REEP1: variants seen among roughly 807,000 people sequenced by gnomAD.
The protein encoded by REEP1 is receptor expression-enhancing protein 1.
A neutral mutation model predicts 40.3 loss-of-function variants in REEP1; 22 were observed. The ratio of observed to expected loss-of-function variants is 0.55; its 90% CI spans 0.39 to 0.78. REEP1 has a LOEUF of 0.78. Ranked by LOEUF, REEP1 falls within the 30% of genes least tolerant of loss-of-function variation. REEP1 has a pLI of 0.00. For missense variants in REEP1, 280 were observed against 361.1 expected, an observed-to-expected ratio of 0.78 and a Z score of 1.82; for synonymous variants, 116 against 139.2, an observed-to-expected ratio of 0.83 and a Z score of 1.17.
chr2:86,300,205 A>T (rs1217044328), intron 1 of REEP1, among the ~76,000 whole-genome samples: 4 of 152,078 alleles, frequency 2.6e-5, no homozygotes, highest in African/African-American at 9.7e-5. Context: ...GTTACCTGGG[A>T]TTTCACTCCT....
intron 2 of REEP1, among the ~76,000 whole-genome samples, chr2:86,280,834 G>A (rs1055907072): frequency 2.0e-5 from 3 of 151,982 alleles, no homozygotes; most frequent in African/African-American, 4.8e-5. Context: ...GAGATGGTTG[G>A]TTTCATCATA....
intron 5 of REEP1, among the ~76,000 whole-genome samples, chr2:86,237,187 T>C (rs1675407288): frequency 6.7e-6 from 1 of 149,838 alleles, no homozygotes; most frequent in African/African-American, 2.4e-5. Flanking sequence ...CCCCTGAGTG[T>C]TTAATTAACA....
chr2:86,294,719 T>C (rs779292361), intron 1 of REEP1, among the ~76,000 whole-genome samples: 40 of 128,346 alleles, frequency 3.1e-4, no homozygotes, highest in Middle Eastern at 4.5e-3. Context: ...CTGAGATTTA[T>C]ATTTTAGATA....
chr2:86,321,548 A>G (rs967623129), intron 1 of REEP1, among the ~76,000 whole-genome samples: 6 of 152,208 alleles, frequency 3.9e-5, no homozygotes, highest in South Asian at 4.1e-4. Flanking sequence ...CTTAAAAAAA[A>G]TCCTAAATAT....
chr2:86,251,746 A>C lies in REEP1; in HGVS notation c.417+211T>G, dbSNP rs4832030. 0.47 allele frequency: 284,783 copies of C among 600,874 alleles called. 71,744 individuals are homozygous for C. The highest frequency in any genetic ancestry group is 0.69 in the East Asian group (23,901 of 34,636). 37.2% of individuals were successfully genotyped at this position (600,874 alleles called of 1,614,324 possible). Reference sequence around the variant, plus strand: ...CTTCAGGGGCTCTGGGAACCTCTTGATATTGCAAGTATGTGGGCATGTGTG... The same window carrying C: ...CTTCAGGGGCTCTGGGAACCTCTTGCTATTGCAAGTATGTGGGCATGTGTG... On this transcript the variant is annotated intron_variant, in intron 5 of 8. Transcript: ENST00000538924.
At chr2:86,286,692 C>T (rs1371813355) in intron 1 of REEP1, among the ~76,000 whole-genome samples, 1 of 152,186 alleles carries the variant, frequency 6.6e-6, no homozygotes, top group Non-Finnish European at 1.5e-5. Flanking sequence ...TGCTTATCAA[C>T]TTCCTGGAGC....
At chr2:86,332,771 G>A (rs891653106) in intron 1 of REEP1, among the ~76,000 whole-genome samples, 13 of 152,144 alleles carry the variant, frequency 8.5e-5, no homozygotes, top group Admixed American at 4.6e-4. Context: ...GCTCAACAGC[G>A]GAGAAATCTA....
At chr2:86,274,527 T>C (rs1426175195) in intron 2 of REEP1, among the ~76,000 whole-genome samples, 1 of 152,220 alleles carries the variant, frequency 6.6e-6, no homozygotes, top group African/African-American at 2.4e-5. Context: ...ATGGAAACCA[T>C]AGCCATCTAA....
Position 86,215,988 on chromosome 2 carries a change from CTG to C in REEP1, c.*1049_*1050del, listed in dbSNP as rs1365983740. The stretch of plus-strand genomic sequence containing the variant: ...GTTTCAGATGTATGTTATGGCATAT[CTG>C]AAACAGCAGAGTTCTCAGTTTTTTG... On this transcript the variant is annotated 3_prime_UTR_variant, in exon 9 of 9. Transcript: ENST00000538924. The C allele has an allele frequency of 6.6e-6, 1 of 152,174 alleles. No individual in the cohort carries two copies. The highest frequency in any genetic ancestry group is 1.5e-5 in the Non-Finnish European group (1 of 68,044). 9.4% of individuals were successfully genotyped at this position (152,174 alleles called of 1,614,324 possible).
At chr2:86,281,931 C>A (rs1230475130) in intron 2 of REEP1, among the ~76,000 whole-genome samples, 1 of 152,184 alleles carries the variant, frequency 6.6e-6, no homozygotes, top group Non-Finnish European at 1.5e-5. Context: ...ACCTCCAATT[C>A]CAGATGCCAC....
At chr2:86,254,885 CG>C (rs1676471322) in intron 3 of REEP1, 71 bp from the exon 4 acceptor site, 1 of 1,567,260 alleles carries the variant, frequency 6.4e-7, no homozygotes, top group Admixed American at 1.7e-5. Context: ...GGATGAGACC[CG>C]GTGGGTGGCA....
intron 2 of REEP1, among the ~76,000 whole-genome samples, chr2:86,277,178 G>A (rs1262970480): frequency 6.6e-6 from 1 of 152,196 alleles, no homozygotes; most frequent in Non-Finnish European, 1.5e-5. Flanking sequence ...CAGGACTGCT[G>A]CTACACAATG....
rs1288739900 is a variant in REEP1, at chr2:86,323,659, T to C, written c.32+13820A>G. On this transcript the variant is annotated intron_variant, in intron 1 of 8. Transcript: ENST00000538924. ...ACCCCCATCCATGGAAAAACTGTCT[T>C]CTATGAAACTAGTCCTTGGTGCCAA... Among the ~76,000 whole-genome samples the C allele has an allele frequency of 1.3e-5, 2 of 152,178 alleles. 1 individual carries two copies. The highest frequency in any genetic ancestry group is 2.9e-5 in the Non-Finnish European group (2 of 68,032).
At chr2:86,327,043 C>T (rs1021518566) in intron 1 of REEP1, among the ~76,000 whole-genome samples, 2 of 152,204 alleles carry the variant, frequency 1.3e-5, no homozygotes, top group African/African-American at 4.8e-5. Flanking sequence ...CCTTGTCTGT[C>T]GAACAAGGGC....
chr2:86,300,598 A>C (rs1352770971), intron 1 of REEP1, among the ~76,000 whole-genome samples: 1 of 152,158 alleles, frequency 6.6e-6, no homozygotes, highest in Non-Finnish European at 1.5e-5. Context: ...GTGGCCAAAG[A>C]AACAGATAAG....
At position 86,333,988 on chromosome 2, in the gene REEP1, C is replaced by T. The variant is rs114364546; in HGVS notation, c.32+3491G>A. On this transcript the variant is annotated intron_variant, in intron 1 of 8. Coordinates refer to ENST00000538924, the MANE Select transcript of REEP1 (RefSeq NM_001371279.1). Reference sequence around the variant, plus strand: ...CCGTGGGCACAAGCCTGTCTTGATGCCTGCTGACCTCCGTCCCCAGGGGAC... The same window carrying T: ...CCGTGGGCACAAGCCTGTCTTGATGTCTGCTGACCTCCGTCCCCAGGGGAC... Among the ~76,000 whole-genome samples, 956 of 152,336 alleles carry T rather than the reference C, an allele frequency of 6.3e-3. 8 individuals carry two copies. Among genetic ancestry groups the T allele is most frequent in the Middle Eastern group, 0.02 (6 of 294 alleles).
At chr2:86,281,497 A>C (rs765078984) in intron 2 of REEP1, among the ~76,000 whole-genome samples, 2 of 152,118 alleles carry the variant, frequency 1.3e-5, no homozygotes, top group Non-Finnish European at 2.9e-5. Context: ...GCGTGGTGGC[A>C]CACACCTGTA....
intron 1 of REEP1, among the ~76,000 whole-genome samples, chr2:86,291,558 C>T (rs749706286): frequency 6.6e-6 from 1 of 152,098 alleles, no homozygotes; most frequent in Non-Finnish European, 1.5e-5. Context: ...GGGTAACCCA[C>T]CTCACAAACA....
intron 1 of REEP1, among the ~76,000 whole-genome samples, chr2:86,302,206 G>A (rs1679283241): frequency 6.6e-6 from 1 of 152,212 alleles, no homozygotes; most frequent in Admixed American, 6.5e-5. Context: ...AAAAGGACAG[G>A]GAGGCTGAGA....
Sources: allele counts gnomAD v4.1 joint callset (sites outside exome capture counted in the v4.1 genomes callset), GRCh38; gene constraint gnomAD v4.1.1; transcripts MANE v1.5; gene names NCBI Gene and HGNC (gene_info 2026-07-23, HGNC 2026-07-21).